The following LITAF variants were observed in gnomAD, a reference collection of about 807,000 sequenced individuals.
LITAF encodes the protein lipopolysaccharide-induced tumor necrosis factor-alpha factor.
Under a neutral mutation model 14.5 loss-of-function variants are expected in LITAF, and 9 were observed. The ratio of observed to expected loss-of-function variants is 0.62; its 90% CI spans 0.37 to 1.08. LITAF has a LOEUF of 1.08. LITAF is among the 50% of genes least tolerant of loss of function. LITAF has a pLI of 0.01. For missense variants in LITAF, 206 were observed against 213.4 expected (o/e 0.97, Z 0.22); for synonymous variants, 98 against 88.2 (o/e 1.11, Z -0.62).
chr16:11,604,644 T>TAAAAA (rs67633068), intron 3 of LITAF, among the ~76,000 whole-genome samples: 2 of 128,566 alleles, frequency 1.6e-5, no homozygotes, highest in African/African-American at 6.0e-5. Context: ...CTGTCTCTCT[T>TAAAAA]AAAAAAAAAA....
chr16:11,595,203 AG>A (rs2064875744), intron 1 of LITAF, among the ~76,000 whole-genome samples: 1 of 152,196 alleles, frequency 6.6e-6, no homozygotes, highest in South Asian at 2.1e-4. Flanking sequence ...TCCTCAAAAA[AG>A]GTCCATGCAG....
chr16:11,556,639 CTGT>C lies in LITAF; in HGVS notation c.89_91del (p.Asn30del), dbSNP rs1256385789. On this transcript the variant is annotated inframe_deletion, in exon 2 of 4. Transcript: ENST00000622633. ...GGGAGCTGGAGGTGTGGGGTAATAA[CTGT>C]TAACAGCCACTGTCTCTTCATAGGA... 1 of 1,614,194 alleles carries C rather than the reference CTGT, an allele frequency of 6.2e-7. No homozygotes were observed. Among genetic ancestry groups the C allele is most frequent in the Non-Finnish European group, 8.5e-7 (1 of 1,180,038 alleles).
intron 3 of LITAF, among the ~76,000 whole-genome samples, chr16:11,628,910 A>G (rs890338245): frequency 6.6e-6 from 1 of 152,174 alleles, no homozygotes; most frequent in Non-Finnish European, 1.5e-5. Context: ...TCCTGACCTC[A>G]AGTGATCTGC....
intron 3 of LITAF, among the ~76,000 whole-genome samples, chr16:11,620,262 C>T (rs1285439520): frequency 3.9e-5 from 6 of 152,000 alleles, no homozygotes; most frequent in Non-Finnish European, 7.4e-5. Context: ...ATCATGGAAG[C>T]GGATCCCCCA....
At chr16:11,615,695 A>C (rs879373943) in intron 3 of LITAF, among the ~76,000 whole-genome samples, 3 of 152,208 alleles carry the variant, frequency 2.0e-5, no homozygotes, top group Non-Finnish European at 4.4e-5. Context: ...CTAAAATAAA[A>C]TAATAAAAAA....
chr16:11,599,290 G>A (rs530645393), upstream of LITAF, among the ~76,000 whole-genome samples: 4 of 151,982 alleles, frequency 2.6e-5, no homozygotes, highest in Non-Finnish European at 5.9e-5. Context: ...GCTAACTTTT[G>A]TATTTTTAGT....
chr16:11,631,957 C>T (rs1360517949), intron 3 of LITAF, among the ~76,000 whole-genome samples: 2 of 151,730 alleles, frequency 1.3e-5, no homozygotes, highest in Non-Finnish European at 2.9e-5. Context: ...ATCTCTGCCT[C>T]CCTGCTTCAA....
At chr16:11,568,673 G>T (rs1303099047) in intron 1 of LITAF, among the ~76,000 whole-genome samples, 34 of 116,346 alleles carry the variant, frequency 2.9e-4, no homozygotes, top group Non-Finnish European at 4.7e-4. Flanking sequence ...GTACACCCTT[G>T]TTTTTTTTTG....
chr16:11,606,704 G>C (rs2064956609), intron 3 of LITAF, among the ~76,000 whole-genome samples: 1 of 151,786 alleles, frequency 6.6e-6, no homozygotes, highest in Non-Finnish European at 1.5e-5. Context: ...GCACGATCTC[G>C]GCTCACTGCA....
chr16:11,591,961 C>T (rs1038144201), upstream of LITAF, among the ~76,000 whole-genome samples: 8 of 152,200 alleles, frequency 5.3e-5, no homozygotes, highest in Admixed American at 3.9e-4. Context: ...GGATCTCTAC[C>T]TCACATCATA....
intron 1 of LITAF, among the ~76,000 whole-genome samples, chr16:11,568,683 G>GTT (rs757940935): frequency 0.21 from 28,559 of 133,708 alleles, 4,041 homozygotes; most frequent in African/African-American, 0.39. Context: ...GTTTTTTTTT[G>GTT]TTTTTTTTTT....
In LITAF at chr16:11,549,585, A is replaced by T. The variant is rs776030637; in HGVS notation, c.*52T>A. 38 of 1,343,364 alleles carry T rather than the reference A, an allele frequency of 2.8e-5. No individual in the cohort carries two copies. Among genetic ancestry groups the T allele is most frequent in the Non-Finnish European group, 4.0e-5 (38 of 947,688 alleles). 83.2% of individuals were successfully genotyped at this position (1,343,364 alleles called of 1,614,324 possible). ...TCCACCAGGCGTGAAGCTGGATGAG[A>T]GGTGGAAAGGACTTCCTGCGGCACC... On this transcript the variant is annotated 3_prime_UTR_variant, in exon 4 of 4. Transcript: ENST00000622633. This position sits in a 1 kb window ranked among gnomAD's most constrained non-coding sequence, Gnocchi z 4.6.
At chr16:11,556,427 T>C (rs569463458) in intron 2 of LITAF, 84 bp downstream of exon 2, 1 of 1,218,564 alleles carries the variant, frequency 8.2e-7, no homozygotes, top group East Asian at 2.5e-5. Context: ...TTAGACTCTT[T>C]GGCAGAGTCA....
intron 3 of LITAF, among the ~76,000 whole-genome samples, chr16:11,613,874 G>A (rs185010047): frequency 3.9e-5 from 6 of 152,322 alleles, no homozygotes; most frequent in African/African-American, 1.4e-4. Context: ...TGACCGGGCG[G>A]GCCACTTCTC....
chr16:11,553,695 G>A lies in LITAF; in HGVS notation c.221-6C>T. On this transcript the variant is annotated splice_polypyrimidine_tract_variant and splice_region_variant and intron_variant, in intron 2 of 3. Transcript: ENST00000622633. The surrounding 1 kb of genome is among the most constrained non-coding windows in gnomAD (Gnocchi z 7.7). ...GTAGACCGTCTGCACGGTAACTGAT[G>A]AAAGGGAGAGGGACAAACACAGGTT... The A allele has an allele frequency of 6.2e-7, 1 of 1,614,082 alleles. No homozygotes were observed. Among genetic ancestry groups the A allele is most frequent in the Non-Finnish European group, 8.5e-7 (1 of 1,179,978 alleles).
rs781450478 is a variant in LITAF, at chr16:11,549,555, G to A, written c.*82C>T. 8.5e-6 allele frequency: 9 copies of A among 1,059,356 alleles called. No homozygotes were observed. The highest frequency in any genetic ancestry group is 1.6e-5 in the African/African-American group (1 of 63,642). 65.6% of individuals were successfully genotyped at this position (1,059,356 alleles called of 1,614,324 possible). A position where few individuals can be genotyped will look rare whatever the true frequency, so the allele number is the denominator to read the frequency against. On this transcript the variant is annotated 3_prime_UTR_variant, in exon 4 of 4. Transcript: ENST00000622633. The surrounding 1 kb of genome is among the most constrained non-coding windows in gnomAD (Gnocchi z 4.6). ...CTGGAGAGGTGAGACCACCAGGGCA[G>A]AACCTCCACCAGGCGTGAAGCTGGA... is the stretch of plus-strand genomic sequence containing the variant.
intron 1 of LITAF, among the ~76,000 whole-genome samples, chr16:11,597,747 G>A (rs1400149124): frequency 1.3e-5 from 2 of 152,152 alleles, no homozygotes; most frequent in Non-Finnish European, 2.9e-5. Context: ...TCTGTGTGAG[G>A]TGAGGCAAGT....
At chr16:11,612,683 C>T (rs2064989746) in intron 3 of LITAF, among the ~76,000 whole-genome samples, 1 of 152,230 alleles carries the variant, frequency 6.6e-6, no homozygotes, top group Admixed American at 6.5e-5. Flanking sequence ...CAGAACTGGC[C>T]ACCCACTTCC....
intron 3 of LITAF, among the ~76,000 whole-genome samples, chr16:11,627,644 G>C (rs1171444040): frequency 3.9e-5 from 6 of 152,220 alleles, no homozygotes; most frequent in African/African-American, 9.6e-5. Context: ...AGCAGTTCGA[G>C]ACCAGCCTGG....
Sources: allele counts gnomAD v4.1 joint callset (sites outside exome capture counted in the v4.1 genomes callset), GRCh38; gene constraint gnomAD v4.1.1; non-coding constraint Gnocchi (gnomAD v3.1); transcripts MANE v1.5; gene names NCBI Gene and HGNC (gene_info 2026-07-23, HGNC 2026-07-21).